MLPH: variants seen among roughly 807,000 people sequenced by gnomAD.
MLPH encodes the protein exophilin-3.
Under a neutral mutation model 72.1 loss-of-function variants are expected in MLPH, and 51 were observed. The observed-to-expected ratio is 0.71, with a 90% CI of 0.56 to 0.89. MLPH has a LOEUF of 0.89. MLPH is among the 40% of genes least tolerant of loss of function. MLPH has a pLI of 0.00. For missense variants in MLPH, 743 were observed against 759.9 expected (o/e 0.98, Z 0.26); for synonymous variants, 301 against 310.1 (o/e 0.97, Z 0.31).
intron 2 of MLPH, among the ~76,000 whole-genome samples, chr2:237,506,646 C>T (rs1203424078): frequency 6.6e-6 from 1 of 152,188 alleles, no homozygotes; most frequent in Non-Finnish European, 1.5e-5. Flanking sequence ...CTTTTCCGTG[C>T]AATGTCTGTA....
At chr2:237,509,792 C>T (rs2079851691) in intron 2 of MLPH, among the ~76,000 whole-genome samples, 1 of 152,186 alleles carries the variant, frequency 6.6e-6, no homozygotes, top group African/African-American at 2.4e-5. Context: ...CCACTCTCTT[C>T]ACCTTTGCTG....
rs1432202586 is a variant in MLPH at position 237,510,909 on chromosome 2, G to A, written c.333-80G>A. 6.7e-7 allele frequency: 1 copy of A among 1,486,742 alleles called. No homozygotes were observed. The highest frequency in any genetic ancestry group is 9.4e-7 in the Non-Finnish European group (1 of 1,065,358). 92.1% of individuals were successfully genotyped at this position (1,486,742 alleles called of 1,614,324 possible). On this transcript the variant is annotated intron_variant, in intron 3 of 15. Coordinates refer to ENST00000264605, the MANE Select transcript of MLPH (RefSeq NM_024101.7). The surrounding 1 kb of genome is among the most constrained non-coding windows in gnomAD (Gnocchi z 4.4). The stretch of plus-strand genomic sequence containing the variant: ...CACACATGCACACACTCGTGTGTGT[G>A]TGTGTGTGTGTGTGTGAGATTTATG...
intron 1 of MLPH, among the ~76,000 whole-genome samples, chr2:237,489,304 G>A (rs1007846427): frequency 1.3e-5 from 2 of 152,238 alleles, no homozygotes; most frequent in Admixed American, 6.5e-5. Context: ...GAGAGCAGAG[G>A]GGATGGCAAG....
At chr2:237,511,316 T>G in intron 4 of MLPH, 2 of 484,268 alleles carry the variant, frequency 4.1e-6, no homozygotes, top group Non-Finnish European at 7.5e-6. Context: ...CTCACCATGT[T>G]TCCCAGACTG....
In MLPH at chr2:237,510,863, C is replaced by G; in HGVS notation, c.332+68C>G. 6.3e-7 allele frequency: 1 copy of G among 1,585,754 alleles called. No individual in the cohort carries two copies. Among genetic ancestry groups the G allele is most frequent in the Non-Finnish European group, 8.7e-7 (1 of 1,155,652 alleles). On this transcript the variant is annotated intron_variant, in intron 3 of 15. Transcript: ENST00000264605. This position sits in a 1 kb window ranked among gnomAD's most constrained non-coding sequence, Gnocchi z 4.4. ...GATCTGGCGTGTCCCTTCCATGGGG[C>G]TAGCTGAAGAAGGGTGGACGCACAC... is the stretch of plus-strand genomic sequence containing the variant.
intron 2 of MLPH, among the ~76,000 whole-genome samples, chr2:237,501,692 CA>C (rs566191064): frequency 0.17 from 18,621 of 106,514 alleles, 3,728 homozygotes; most frequent in African/African-American, 0.48. Flanking sequence ...AAAAAAAATA[CA>C]AAAAAATTAG....
At chr2:237,502,524 C>A (rs993254032) in intron 2 of MLPH, among the ~76,000 whole-genome samples, 1 of 152,172 alleles carries the variant, frequency 6.6e-6, no homozygotes, top group East Asian at 1.9e-4. Context: ...TTAGGGTAGC[C>A]CCTCAGCTGT....
chr2:237,493,357 T>A, intron 1 of MLPH, 46 bp from the exon 2 acceptor site: 1 of 1,215,282 alleles, frequency 8.2e-7, no homozygotes, highest in Non-Finnish European at 1.2e-6. Flanking sequence ...TGATTGGTAT[T>A]GGTAGGCTTC....
chr2:237,519,544 G>T (rs1056265990), intron 5 of MLPH, among the ~76,000 whole-genome samples: 1 of 152,284 alleles, frequency 6.6e-6, no homozygotes, highest in East Asian at 1.9e-4. Context: ...TCGTGCCCCG[G>T]CTATCCGAAG....
intron 4 of MLPH, among the ~76,000 whole-genome samples, chr2:237,516,858 AGGAT>A (rs1442218159): frequency 1.0e-5 from 1 of 98,170 alleles, no homozygotes; most frequent in Non-Finnish European, 2.1e-5. Flanking sequence ...GATGGATGAT[AGGAT>A]GGATGGATGG....
intron 12 of MLPH, among the ~76,000 whole-genome samples, chr2:237,543,024 T>TGGGGGACAGTAGTGAGTG (rs2080752915): frequency 8.0e-5 from 1 of 12,554 alleles, no homozygotes; most frequent in Non-Finnish European, 1.4e-4. Flanking sequence ...AGTGGTGAGT[T>TGGGGGACAGTAGTGAGTG]GGGGGACAGT....
chr2:237,525,457 CA>C, intron 6 of MLPH, 143 bp from the exon 7 acceptor site: 1 of 739,566 alleles, frequency 1.4e-6, no homozygotes, highest in Non-Finnish European at 2.3e-6. Flanking sequence ...AACTGAGTGG[CA>C]GGGGCCAGCG....
chr2:237,536,336 G>A (rs556064539), intron 9 of MLPH, among the ~76,000 whole-genome samples: 4 of 152,292 alleles, frequency 2.6e-5, no homozygotes, highest in African/African-American at 9.6e-5. Context: ...ACTGTGCTCT[G>A]TGCTTTATGG....
intron 9 of MLPH, 25 bp from the exon 10 acceptor site, chr2:237,540,323 C>A (rs769528599): frequency 3.9e-5 from 63 of 1,612,678 alleles, no homozygotes; most frequent in Non-Finnish European, 5.3e-5. Flanking sequence ...TAGCCGAATC[C>A]AAATCCACTG....
chr2:237,546,564 T>A, intron 12 of MLPH, 42 bp from the exon 13 acceptor site: 1 of 1,560,278 alleles, frequency 6.4e-7, no homozygotes, highest in Non-Finnish European at 8.8e-7. Context: ...TCCCTGTGGC[T>A]GGAGGTTCAA....
rs2079338816 is a variant in MLPH at position 237,487,450 on chromosome 2, AGAAGAGGGAACAGC to A, written c.-25+15_-25+28del. ...CGGAGAGGGTCCGGTGAGTGCACTG[AGAAGAGGGAACAGC>A]GGGGCCAGGGTGGCGCCCAGGACTC... On this transcript the variant is annotated intron_variant, in intron 1 of 15. Coordinates refer to ENST00000264605, the MANE Select transcript of MLPH (RefSeq NM_024101.7). 1 of 152,644 alleles carries A rather than the reference AGAAGAGGGAACAGC, an allele frequency of 6.6e-6. No individual in the cohort carries two copies. The highest frequency in any genetic ancestry group is 6.5e-5 in the Admixed American group (1 of 15,288). The allele number at this position is 152,644 out of a possible 1,614,324, so 9.5% of individuals were successfully genotyped here.
intron 6 of MLPH, 50 bp from the exon 7 acceptor site, chr2:237,525,551 G>A: frequency 6.3e-7 from 1 of 1,586,782 alleles, no homozygotes; most frequent in Non-Finnish European, 8.7e-7. Context: ...CCAGGCAGCG[G>A]CCCCTCCTAG....
chr2:237,514,910 G>T (rs899067157), intron 4 of MLPH, among the ~76,000 whole-genome samples: 1 of 152,196 alleles, frequency 6.6e-6, no homozygotes, highest in African/African-American at 2.4e-5. Flanking sequence ...TCCTAAACAG[G>T]CAGCAAAGCA....
At chr2:237,540,746 G>C in intron 10 of MLPH, 56 bp from the exon 11 acceptor site, 7 of 1,602,722 alleles carry the variant, frequency 4.4e-6, no homozygotes, top group South Asian at 1.1e-5. Flanking sequence ...CCCCATCTGG[G>C]TGAAACCCCA....
Sources: gnomAD v4.1 joint callset for allele counts (sites outside exome capture counted in the v4.1 genomes callset) on GRCh38, gnomAD v4.1.1 for gene constraint, Gnocchi (gnomAD v3.1) non-coding constraint, MANE v1.5 for transcripts, NCBI Gene and HGNC (gene_info 2026-07-23, HGNC 2026-07-21) for gene names.